ZFAND3: variants seen among roughly 807,000 people sequenced by gnomAD.
ZFAND3 encodes the protein AN1-type zinc finger protein 3.
Under a neutral mutation model 29.6 loss-of-function variants are expected in ZFAND3, and 10 were observed. The ratio of observed to expected loss-of-function variants is 0.34; its 90% CI spans 0.21 to 0.57. ZFAND3 has a LOEUF of 0.57. ZFAND3 is among the 20% of genes least tolerant of loss of function. The pLI is 0.86. For synonymous variants in ZFAND3, 128 were observed against 112.6 expected (o/e 1.14, Z -0.87); for missense variants, 230 against 304.5 (o/e 0.76, Z 1.82).
intron 2 of ZFAND3, among the ~76,000 whole-genome samples, chr6:38,019,583 G>T (rs578083776): frequency 1.6e-4 from 24 of 152,118 alleles, no homozygotes; most frequent in African/African-American, 5.1e-4. Context: ...GGCTTCTGGG[G>T]TTTTTTTGGG....
chr6:37,856,158 C>T (rs1459853889), intron 1 of ZFAND3, among the ~76,000 whole-genome samples: 1 of 152,022 alleles, frequency 6.6e-6, no homozygotes, highest in Non-Finnish European at 1.5e-5. Flanking sequence ...CCAGGTCTGG[C>T]TAATTTTTAT....
intron 2 of ZFAND3, among the ~76,000 whole-genome samples, chr6:37,932,566 T>C (rs1480159779): frequency 3.3e-5 from 5 of 152,190 alleles, no homozygotes; most frequent in Non-Finnish European, 7.4e-5. Flanking sequence ...GGAGACCCCA[T>C]TGTAATTTAG....
chr6:37,876,448 T>G (rs1356146352), intron 1 of ZFAND3, among the ~76,000 whole-genome samples: 1 of 152,188 alleles, frequency 6.6e-6, no homozygotes, highest in East Asian at 1.9e-4. Context: ...CTAAAAAGGC[T>G]TTAAAGTAAA....
intron 2 of ZFAND3, among the ~76,000 whole-genome samples, chr6:38,049,730 C>T (rs1277665127): frequency 6.6e-6 from 1 of 152,126 alleles, no homozygotes; most frequent in East Asian, 1.9e-4. Context: ...CTTCTCTGAA[C>T]ATCCCCCTGA....
At chr6:38,139,280 T>C (rs1285620499) in intron 5 of ZFAND3, among the ~76,000 whole-genome samples, 1 of 152,084 alleles carries the variant, frequency 6.6e-6, no homozygotes, top group Non-Finnish European at 1.5e-5. Context: ...GACCAAAATA[T>C]TTTGAGTGAA....
chr6:38,121,096 G>A (rs1447506215), intron 5 of ZFAND3, among the ~76,000 whole-genome samples: 3 of 152,222 alleles, frequency 2.0e-5, no homozygotes, highest in African/African-American at 7.2e-5. Context: ...GCTCATGCCT[G>A]TAATCCCAAC....
chr6:37,892,501 A>G (rs1416849548), intron 1 of ZFAND3, among the ~76,000 whole-genome samples: 93 of 152,206 alleles, frequency 6.1e-4, no homozygotes, highest in Non-Finnish European at 1.2e-4. Flanking sequence ...GTCAATGCCT[A>G]TGTTAAGAGG....
intron 4 of ZFAND3, among the ~76,000 whole-genome samples, chr6:38,104,547 T>C (rs1402893358): frequency 1.3e-5 from 2 of 152,038 alleles, no homozygotes; most frequent in African/African-American, 2.4e-5. Context: ...AAGCCTAAGA[T>C]ATGACTGGTG....
chr6:38,018,088 T>A (rs1763283199), intron 2 of ZFAND3, among the ~76,000 whole-genome samples: 1 of 152,142 alleles, frequency 6.6e-6, no homozygotes, highest in Non-Finnish European at 1.5e-5. Flanking sequence ...ATAATATGAG[T>A]TTAGCATGTT....
At chr6:38,092,450 T>G (rs1764892442) in intron 4 of ZFAND3, among the ~76,000 whole-genome samples, 1 of 152,218 alleles carries the variant, frequency 6.6e-6, no homozygotes, top group Admixed American at 6.5e-5. Flanking sequence ...TTTCAAAAAG[T>G]GAAGAACAGG....
chr6:37,876,782 A>G (rs2127390260), intron 1 of ZFAND3, among the ~76,000 whole-genome samples: 1 of 152,268 alleles, frequency 6.6e-6, no homozygotes, highest in Admixed American at 6.5e-5. Context: ...AATGTTTATA[A>G]CCATGACCCT....
chr6:38,072,466 G>A (rs1001600634), intron 3 of ZFAND3, among the ~76,000 whole-genome samples: 6 of 151,932 alleles, frequency 3.9e-5, no homozygotes, highest in South Asian at 2.1e-4. Flanking sequence ...TTAAATGTTC[G>A]TATTAAATTA....
At chr6:37,899,589 C>G (rs548670726) in intron 1 of ZFAND3, among the ~76,000 whole-genome samples, 1 of 152,254 alleles carries the variant, frequency 6.6e-6, no homozygotes, top group East Asian at 1.9e-4. Context: ...TAGATGTAAA[C>G]TAATACTTGA....
intron 2 of ZFAND3, among the ~76,000 whole-genome samples, chr6:37,963,350 A>G (rs765347106): frequency 6.6e-6 from 1 of 152,254 alleles, no homozygotes; most frequent in Non-Finnish European, 1.5e-5. Flanking sequence ...CGAAAGCAGT[A>G]CTAGGAGGGA....
chr6:37,978,460 T>C (rs1286036868), intron 2 of ZFAND3, among the ~76,000 whole-genome samples: 1 of 152,210 alleles, frequency 6.6e-6, no homozygotes, highest in Non-Finnish European at 1.5e-5. Flanking sequence ...AGTTGGAAAG[T>C]ATTCCCTTCC....
chr6:37,937,376 G>A (rs1428515094), intron 2 of ZFAND3, among the ~76,000 whole-genome samples: 1 of 152,134 alleles, frequency 6.6e-6, no homozygotes, highest in Non-Finnish European at 1.5e-5. Flanking sequence ...GCAACTGTTG[G>A]CCAGGCACAG....
chr6:38,143,308 CT>C (rs1201810850), intron 5 of ZFAND3: 4 of 152,394 alleles, frequency 2.6e-5, no homozygotes, highest in African/African-American at 9.6e-5. Context: ...TGTGTACAAA[CT>C]GCATGGGGAG....
At chr6:38,095,628 C>A (rs1648201004) in intron 4 of ZFAND3, among the ~76,000 whole-genome samples, 1 of 152,182 alleles carries the variant, frequency 6.6e-6, no homozygotes, top group South Asian at 2.1e-4. Flanking sequence ...TTTCCAAATA[C>A]ACCCCCAAGT....
intron 1 of ZFAND3, among the ~76,000 whole-genome samples, chr6:37,913,234 T>A (rs1489196332): frequency 6.6e-6 from 1 of 152,198 alleles, no homozygotes. Context: ...TAATGCTGTT[T>A]GATAGCATTT....
Sources: gnomAD v4.1 joint callset for allele counts (sites outside exome capture counted in the v4.1 genomes callset) on GRCh38, gnomAD v4.1.1 for gene constraint, MANE v1.5 for transcripts, NCBI Gene and HGNC (gene_info 2026-07-23, HGNC 2026-07-21) for gene names.